Variants in SLC4A4 observed in about 807,000 individuals in gnomAD.
The protein encoded by SLC4A4 is solute carrier family 4 member 4, also known as electrogenic sodium bicarbonate cotransporter 1.
Under a neutral mutation model 111.5 loss-of-function variants are expected in SLC4A4, and 27 were observed. That is an observed-to-expected ratio of 0.24 (90% confidence interval 0.18 to 0.33). The LOEUF (loss-of-function observed/expected upper bound fraction) is 0.33, where lower values mean the gene tolerates loss of function less well. Among genes scored for constraint, SLC4A4 ranks in the 10% least tolerant of loss-of-function variants. The pLI is 1.00. For synonymous variants in SLC4A4, 443 were observed against 463.4 expected (o/e 0.96, Z 0.57); for missense variants, 909 against 1,315.5 (o/e 0.69, Z 4.78).
rs571833764 is a variant in SLC4A4 at position 71,371,522 on chromosome 4, A to T, written c.730+14335A>T. Among the ~76,000 whole-genome samples the T allele has an allele frequency of 6.6e-5, 10 of 151,954 alleles. 1 individual carries two copies. Among genetic ancestry groups the T allele is most frequent in the African/African-American group, 2.4e-4 (10 of 41,466 alleles). ...GCCTCCCAAAGCTCTGGGATTACAG[A>T]TGTAAGCCACCACACATGGCCCAGG... On this transcript the variant is annotated intron_variant, in intron 6 of 25. Coordinates refer to ENST00000264485, the MANE Select transcript of SLC4A4 (RefSeq NM_001098484.3).
At chr4:71,424,691 G>A (rs1196379531) in intron 7 of SLC4A4, among the ~76,000 whole-genome samples, 1 of 152,114 alleles carries the variant, frequency 6.6e-6, no homozygotes, top group Non-Finnish European at 1.5e-5. Context: ...ATCCGTTGTA[G>A]GGACATGGAT....
intron 6 of SLC4A4, among the ~76,000 whole-genome samples, chr4:71,390,931 A>C (rs1219077152): frequency 6.6e-6 from 1 of 152,108 alleles, no homozygotes; most frequent in Non-Finnish European, 1.5e-5. Context: ...CACAGTGTTG[A>C]TATGAGGATT....
At chr4:71,106,409 C>T (rs1040560195) in intron 2 of SLC4A4, among the ~76,000 whole-genome samples, 7 of 149,004 alleles carry the variant, frequency 4.7e-5, no homozygotes, top group Admixed American at 3.3e-4. Flanking sequence ...TTGAGCCAGC[C>T]ATCCCATTAC....
chr4:71,114,105 G>C (rs1323140082), intron 2 of SLC4A4, among the ~76,000 whole-genome samples: 1 of 152,134 alleles, frequency 6.6e-6, no homozygotes, highest in East Asian at 1.9e-4. Context: ...AAATTAGCCG[G>C]GCGTGGTGGC....
chr4:71,458,026 A>G (rs754496205), intron 12 of SLC4A4, among the ~76,000 whole-genome samples: 1 of 151,844 alleles, frequency 6.6e-6, no homozygotes, highest in Non-Finnish European at 1.5e-5. Flanking sequence ...ATTTTTTCCT[A>G]TTTTTGATCT....
intron 8 of SLC4A4, among the ~76,000 whole-genome samples, chr4:71,442,916 A>C (rs908660444): frequency 6.6e-6 from 1 of 151,606 alleles, no homozygotes; most frequent in African/African-American, 2.4e-5. Flanking sequence ...ATGACTATCA[A>C]CCGGGTGAAT....
intron 2 of SLC4A4, among the ~76,000 whole-genome samples, chr4:71,111,159 G>A (rs943298575): frequency 3.9e-5 from 6 of 152,084 alleles, no homozygotes; most frequent in African/African-American, 9.7e-5. Flanking sequence ...ATCAACCATG[G>A]TGGTTTGCCT....
chr4:71,307,851 A>T (rs530722182), intron 3 of SLC4A4, among the ~76,000 whole-genome samples: 81 of 152,162 alleles, frequency 5.3e-4, no homozygotes, highest in Non-Finnish European at 9.8e-4. Context: ...TGCAAAGAGC[A>T]GTCAGCTTGT....
Position 71,462,903 on chromosome 4 carries a change from A to G in SLC4A4, c.1498-3541A>G, listed in dbSNP as rs368666963. ...AGGAAATAATATGGTATAGATGTCTATCTGGGATTGTCTAACTCCAGAGTC... is the reference window on the plus strand; with the variant it reads ...AGGAAATAATATGGTATAGATGTCTGTCTGGGATTGTCTAACTCCAGAGTC... On this transcript the variant is annotated intron_variant, in intron 12 of 25. Transcript: ENST00000264485. Among the ~76,000 whole-genome samples, 97 of 152,300 alleles carry G rather than the reference A, an allele frequency of 6.4e-4. 3 individuals carry two copies. The South Asian group carries it at 0.019, about 31-fold the overall frequency.
intron 4 of SLC4A4, 98 bp from the exon 5 acceptor site, chr4:71,349,814 G>C (rs1021735487): frequency 4.7e-6 from 5 of 1,072,700 alleles, no homozygotes; most frequent in Non-Finnish European, 7.2e-6. Context: ...AGACATTTTG[G>C]AAGTGCTGGA....
intron 12 of SLC4A4, among the ~76,000 whole-genome samples, chr4:71,458,521 A>G (rs189906950): frequency 9.5e-4 from 145 of 152,188 alleles, no homozygotes; most frequent in African/African-American, 3.4e-3. Context: ...AAAAGAATAC[A>G]GTAAGATTTT....
chr4:71,519,287 G>A (rs1394922572), intron 16 of SLC4A4, among the ~76,000 whole-genome samples: 2 of 152,146 alleles, frequency 1.3e-5, no homozygotes, highest in African/African-American at 4.8e-5. Flanking sequence ...TAACACCCAA[G>A]TTGAGGATAA....
At chr4:71,424,844 A>G (rs894842743) in intron 7 of SLC4A4, among the ~76,000 whole-genome samples, 10 of 151,960 alleles carry the variant, frequency 6.6e-5, no homozygotes, top group African/African-American at 2.2e-4. Context: ...ACTGTTGTGG[A>G]GTGGCGGGGG....
At chr4:71,528,069 A>G (rs1209358241) in intron 16 of SLC4A4, among the ~76,000 whole-genome samples, 1 of 152,112 alleles carries the variant, frequency 6.6e-6, no homozygotes, top group Non-Finnish European at 1.5e-5. Flanking sequence ...TGTCTTCAGA[A>G]TGCCATAGTA....
chr4:71,102,609 C>A (rs1052978656), intron 2 of SLC4A4, among the ~76,000 whole-genome samples: 1 of 151,914 alleles, frequency 6.6e-6, no homozygotes, highest in South Asian at 2.1e-4. Flanking sequence ...GAGTGGGGGC[C>A]AATATTCAAC....
intron 1 of SLC4A4, among the ~76,000 whole-genome samples, chr4:71,089,695 G>A (rs1324485399): frequency 6.6e-6 from 1 of 151,986 alleles, no homozygotes; most frequent in African/African-American, 2.4e-5. Context: ...ATCTGCAGCG[G>A]AGGCTGCAGA....
intron 2 of SLC4A4, among the ~76,000 whole-genome samples, chr4:71,242,579 C>A (rs1021813040): frequency 2.0e-5 from 3 of 152,088 alleles, no homozygotes; most frequent in Non-Finnish European, 4.4e-5. Context: ...GCTGCTGTAC[C>A]TGGCATTAGG....
intron 16 of SLC4A4, among the ~76,000 whole-genome samples, chr4:71,511,390 G>C (rs1233882633): frequency 6.6e-6 from 1 of 151,576 alleles, no homozygotes; most frequent in Non-Finnish European, 1.5e-5. Context: ...TTTTGGCAAT[G>C]TTTTCCCCTT....
chr4:71,487,124 A>G (rs1729478588), intron 15 of SLC4A4, 106 bp downstream of exon 15: 1 of 705,604 alleles, frequency 1.4e-6, no homozygotes, highest in East Asian at 2.8e-5. Flanking sequence ...CAATTCTGGC[A>G]TGAACACATA....
Sources: allele counts gnomAD v4.1 joint callset (sites outside exome capture counted in the v4.1 genomes callset), GRCh38; gene constraint gnomAD v4.1.1; transcripts MANE v1.5; gene names NCBI Gene and HGNC (gene_info 2026-07-23, HGNC 2026-07-21).